NUMA1: variants seen among roughly 807,000 people sequenced by gnomAD.
NUMA1 encodes SP-H antigen.
A neutral mutation model predicts 237.1 loss-of-function variants in NUMA1; 62 were observed. That is an observed-to-expected ratio of 0.26 (90% CI 0.21 to 0.32). The LOEUF (loss-of-function observed/expected upper bound fraction) is 0.32. Ranked by LOEUF, NUMA1 falls within the 10% of genes least tolerant of loss-of-function variation. The pLI is 1.00. For missense variants in NUMA1, 2,533 were observed against 2,666.5 expected, an observed-to-expected ratio of 0.95 and a Z score of 1.10; for synonymous variants, 1,028 against 1,066.1, an observed-to-expected ratio of 0.96 and a Z score of 0.70.
Position 72,035,967 on chromosome 11 carries a change from C to A in NUMA1, c.-24G>T. 1 of 1,613,192 alleles carries A rather than the reference C, an allele frequency of 6.2e-7. No individual in the cohort carries two copies. Among genetic ancestry groups the A allele is most frequent in the Non-Finnish European group, 8.5e-7 (1 of 1,179,250 alleles). On this transcript the variant is annotated 5_prime_UTR_variant, in exon 3 of 27. Coordinates refer to ENST00000393695, the MANE Select transcript of NUMA1 (RefSeq NM_006185.4). The stretch of plus-strand genomic sequence containing the variant: ...ATCTTGGTGATGCCAGACAGTCACT[C>A]CAATGCGCCTGGAACCCAAGAGAGG...
At chr11:72,046,160 A>T (rs923157310) in intron 2 of NUMA1, among the ~76,000 whole-genome samples, 2 of 152,150 alleles carry the variant, frequency 1.3e-5, no homozygotes, top group Admixed American at 6.5e-5. Context: ...AGCCCCTCTC[A>T]CAGCCTAGAC....
chr11:72,013,906 T>C lies in NUMA1; in HGVS notation c.3597A>G (p.Val1199=), dbSNP rs765236889. The C allele has an allele frequency of 1.9e-6, 3 of 1,614,006 alleles. No homozygotes were observed. The change falls in exon 15 of 27, where the codon GTA becomes GTG. Residue 1199 remains valine, a synonymous_variant. Transcript: ENST00000393695. This position sits in a 1 kb window ranked among gnomAD's most constrained non-coding sequence, Gnocchi z 6.8. The part of the protein sequence containing the change: ...QRELAAFRTK[V]QDHSKAEDEW... ...CATCTTCAGCCTTGCTGTGGTCTTG[T>C]ACCTTGGTGCGGAAGGCAGCCAACT...
intron 15 of NUMA1, 81 bp from the exon 16 acceptor site, chr11:72,012,523 T>C: frequency 7.5e-7 from 1 of 1,331,468 alleles, no homozygotes; most frequent in Non-Finnish European, 1.1e-6. Flanking sequence ...CTGACCTCAC[T>C]GAGGCTCTGA....
intron 1 of NUMA1, among the ~76,000 whole-genome samples, chr11:72,074,817 T>C (rs909511817): frequency 9.2e-5 from 14 of 152,228 alleles, no homozygotes; most frequent in Admixed American, 3.9e-4. Flanking sequence ...GTGGATCACC[T>C]GAGGTCAGGA....
chr11:72,007,082 G>C lies in NUMA1; in HGVS notation c.5463+107C>G. 2.2e-6 allele frequency: 3 copies of C among 1,349,508 alleles called. No individual in the cohort carries two copies. The South Asian group carries it at 3.9e-5, about 18-fold the overall frequency. The allele number at this position is 1,349,508 out of a possible 1,614,324, so 83.6% of individuals were successfully genotyped here. A position where few individuals can be genotyped will look rare whatever the true frequency, so the allele number is the denominator to read the frequency against. ...CTCTCAGCTTTCCCACTGTAACATG[G>C]ACTGGCTGCTCATCCCTCCCTGCTC... On this transcript the variant is annotated intron_variant, in intron 21 of 26. Transcript: ENST00000393695.
chr11:72,003,849 C>CA (rs766079389), intron 26 of NUMA1, 38 bp downstream of exon 26: 2 of 1,603,538 alleles, frequency 1.2e-6, no homozygotes, highest in Non-Finnish European at 1.7e-6. Flanking sequence ...CCCATGCTCT[C>CA]ATCGGGTTTC....
At chr11:72,063,785 C>CT (rs1943071581) in intron 2 of NUMA1, among the ~76,000 whole-genome samples, 1 of 151,440 alleles carries the variant, frequency 6.6e-6, no homozygotes, top group Non-Finnish European at 1.5e-5. Context: ...GGTGTGGTGG[C>CT]ATACACCTAT....
At chr11:72,069,571 G>A (rs1387568513) in intron 2 of NUMA1, among the ~76,000 whole-genome samples, 2 of 152,164 alleles carry the variant, frequency 1.3e-5, no homozygotes, top group African/African-American at 4.8e-5. Flanking sequence ...AATGGCCAAT[G>A]TTTAGTGTCT....
At chr11:72,036,113 T>C in intron 2 of NUMA1, 138 bp from the exon 3 acceptor site, 1 of 656,604 alleles carries the variant, frequency 1.5e-6, no homozygotes. Context: ...ACCATGGGAA[T>C]TTTTAGAAAG....
chr11:72,051,537 C>A (rs926880307), intron 2 of NUMA1, among the ~76,000 whole-genome samples: 2 of 147,914 alleles, frequency 1.4e-5, no homozygotes, highest in African/African-American at 2.5e-5. Context: ...GTGGTGCAAT[C>A]TCAGCTCACT....
intron 4 of NUMA1, among the ~76,000 whole-genome samples, chr11:72,027,625 C>G (rs1387194132): frequency 2.0e-5 from 3 of 151,874 alleles, no homozygotes; most frequent in East Asian, 1.9e-4. Context: ...AGGAAATGAC[C>G]CCCTGATGAA....
intron 2 of NUMA1, among the ~76,000 whole-genome samples, chr11:72,042,522 G>T (rs1241125347): frequency 2.6e-5 from 4 of 152,186 alleles, no homozygotes; most frequent in African/African-American, 9.7e-5. Flanking sequence ...CACACAGGTA[G>T]CATTTCCCCA....
chr11:72,066,524 C>T (rs977086384), intron 2 of NUMA1: 1 of 152,216 alleles, frequency 6.6e-6, no homozygotes, highest in African/African-American at 2.4e-5. Flanking sequence ...TTTCCCCATA[C>T]ATGCCAGGCA....
At chr11:72,053,936 A>T (rs1243726736) in intron 2 of NUMA1, among the ~76,000 whole-genome samples, 1 of 152,224 alleles carries the variant, frequency 6.6e-6, no homozygotes, top group Admixed American at 6.5e-5. Flanking sequence ...TCCAAGGATG[A>T]TTTAAACTAT....
intron 24 of NUMA1, 58 bp downstream of exon 24, chr11:72,004,582 G>C: frequency 6.5e-7 from 1 of 1,545,454 alleles, no homozygotes; most frequent in African/African-American, 1.4e-5. Context: ...AGTCCTTGGT[G>C]AGCTGGGCCT....
At chr11:72,070,888 T>C (rs1943418272) in intron 1 of NUMA1, among the ~76,000 whole-genome samples, 1 of 152,224 alleles carries the variant, frequency 6.6e-6, no homozygotes, top group Non-Finnish European at 1.5e-5. Flanking sequence ...ACTGTGAGCA[T>C]CACGATAACC....
At position 72,003,057 on chromosome 11, in the gene NUMA1, G is replaced by A. The variant is rs576785706; in HGVS notation, c.*470C>T. On this transcript the variant is annotated 3_prime_UTR_variant, in exon 27 of 27. Transcript: ENST00000393695. ...TAGGGCCCATCCGTCCTGGGAAAGA[G>A]CATCCTCTGGCAGGTGCTCCCACCA... 100 of 239,828 alleles carry A rather than the reference G, an allele frequency of 4.2e-4. No individual in the cohort carries two copies. The highest frequency in any genetic ancestry group is 2.0e-3 in the African/African-American group (91 of 45,594). The allele number at this position is 239,828 out of a possible 1,614,324, so 14.9% of individuals were successfully genotyped here.
chr11:72,058,373 TATCTC>T (rs375440550), intron 2 of NUMA1, among the ~76,000 whole-genome samples: 121 of 152,222 alleles, frequency 7.9e-4, no homozygotes, highest in African/African-American at 2.7e-3. Flanking sequence ...CTCTGCAACT[TATCTC>T]ATCTAACAAT....
rs777338794 is a variant in NUMA1 at position 72,014,658 on chromosome 11, G to A, written c.2845C>T (p.Pro949Ser). 16 of 1,612,684 alleles carry A rather than the reference G, an allele frequency of 9.9e-6. No individual in the cohort carries two copies. The highest frequency in any genetic ancestry group is 1.4e-5 in the Non-Finnish European group (16 of 1,180,028). The change falls in exon 15 of 27, where the codon CCC becomes TCC. Residue 949 changes from proline to serine, a missense_variant. Transcript: ENST00000393695. The surrounding 1 kb of genome is among the most constrained non-coding windows in gnomAD (Gnocchi z 4.6). ...KEPARAGDRQ[P>S]EWLEEQQGRQ... Reference sequence around the variant, plus strand: ...CCCTGTTGCTCTTCCAGCCACTCGGGCTGTCTGTCTCCTGCCCTCGCAGGC... The same window carrying A: ...CCCTGTTGCTCTTCCAGCCACTCGGACTGTCTGTCTCCTGCCCTCGCAGGC...
Sources: gnomAD v4.1 joint callset for allele counts (sites outside exome capture counted in the v4.1 genomes callset) on GRCh38, gnomAD v4.1.1 for gene constraint, Gnocchi (gnomAD v3.1) non-coding constraint, MANE v1.5 for transcripts, NCBI Gene and HGNC (gene_info 2026-07-23, HGNC 2026-07-21) for gene names.